The following MYO5A variants were observed in gnomAD, a reference collection of about 807,000 sequenced individuals.
MYO5A encodes unconventional myosin-Va.
In MYO5A, 98 loss-of-function variants were observed where a neutral mutation model predicts 249.7. The observed-to-expected ratio is 0.39, with a 90% CI of 0.33 to 0.46. MYO5A has a LOEUF of 0.46. Among genes scored for constraint, MYO5A ranks in the 20% least tolerant of loss-of-function variants. MYO5A has a pLI of 0.98. For missense variants in MYO5A, 1,696 were observed against 2,308.8 expected (o/e 0.73, Z 5.44); for synonymous variants, 778 against 810.6 (o/e 0.96, Z 0.68).
intron 13 of MYO5A, among the ~76,000 whole-genome samples, chr15:52,388,470 G>A (rs1273946957): frequency 6.6e-6 from 1 of 152,190 alleles, no homozygotes; most frequent in Non-Finnish European, 1.5e-5. Flanking sequence ...TGCCACTCAA[G>A]GGGGTCAAAG....
intron 4 of MYO5A, among the ~76,000 whole-genome samples, chr15:52,418,767 A>C (rs1327960701): frequency 3.0e-5 from 4 of 135,132 alleles, no homozygotes. Flanking sequence ...AGAGAGAGAG[A>C]GAGCCGGGGT....
intron 1 of MYO5A, among the ~76,000 whole-genome samples, chr15:52,507,768 C>T (rs2077302728): frequency 7.1e-6 from 1 of 139,954 alleles, no homozygotes; most frequent in Non-Finnish European, 1.5e-5. Flanking sequence ...CCCACCACTA[C>T]ACTCTAGCCT....
At chr15:52,431,642 T>C (rs2075539623) in intron 2 of MYO5A, among the ~76,000 whole-genome samples, 1 of 143,810 alleles carries the variant, frequency 7.0e-6, no homozygotes, top group Admixed American at 7.1e-5. Context: ...AAAGGGGAAA[T>C]ACAGGGTAAG....
chr15:52,435,110 G>C (rs1313285771), intron 1 of MYO5A, among the ~76,000 whole-genome samples: 2 of 152,176 alleles, frequency 1.3e-5, no homozygotes, highest in Non-Finnish European at 2.9e-5. Context: ...AAGTACAAGA[G>C]AAATTTATAT....
intron 1 of MYO5A, among the ~76,000 whole-genome samples, chr15:52,442,687 C>A (rs528368655): frequency 1.3e-5 from 2 of 152,232 alleles, no homozygotes; most frequent in Non-Finnish European, 2.9e-5. Context: ...AGATGAAGTT[C>A]CAAGTCTACT....
At chr15:52,439,412 T>C (rs1291681487) in intron 1 of MYO5A, among the ~76,000 whole-genome samples, 2 of 152,250 alleles carry the variant, frequency 1.3e-5, no homozygotes, top group Non-Finnish European at 2.9e-5. Context: ...ATCTCACTTA[T>C]GCTACCTGAA....
chr15:52,524,245 A>T (rs2077685263), intron 1 of MYO5A, among the ~76,000 whole-genome samples: 1 of 152,232 alleles, frequency 6.6e-6, no homozygotes, highest in African/African-American at 2.4e-5. Flanking sequence ...AAACAAAAAA[A>T]TTAAAACTTT....
intron 1 of MYO5A, among the ~76,000 whole-genome samples, chr15:52,489,112 T>G (rs896604182): frequency 2.6e-5 from 4 of 152,000 alleles, no homozygotes; most frequent in African/African-American, 9.7e-5. Context: ...AAAAATTAAC[T>G]CAAAATGGAC....
chr15:52,416,376 T>C, intron 4 of MYO5A, 75 bp from the exon 5 acceptor site: 1 of 1,485,898 alleles, frequency 6.7e-7, no homozygotes, highest in Non-Finnish European at 9.3e-7. Flanking sequence ...AACTATGGTC[T>C]CTATGGAAGT....
intron 1 of MYO5A, among the ~76,000 whole-genome samples, chr15:52,472,049 C>T (rs901884274): frequency 2.0e-5 from 3 of 150,414 alleles, no homozygotes; most frequent in African/African-American, 4.9e-5. Flanking sequence ...GCCTCTTGGT[C>T]GGCAGAAGCG....
At chr15:52,477,423 C>G (rs11857854) in intron 1 of MYO5A, among the ~76,000 whole-genome samples, 22,875 of 152,188 alleles carry the variant, frequency 0.15, 1,834 homozygotes, top group Middle Eastern at 0.22. Flanking sequence ...TCTCCGTCCA[C>G]CTTTGTTCCA....
rs1321236676 is a variant in MYO5A at position 52,392,137 on chromosome 15, T to C, written c.1402-67A>G. ...GTAACAAAGAATGTAGTCAAGATGA[T>C]ACCAACATAATTTGAGATAATCTGT... On this transcript the variant is annotated intron_variant, in intron 11 of 41. Coordinates refer to ENST00000399233, the MANE Select transcript of MYO5A (RefSeq NM_001382347.1). 6 of 1,467,954 alleles carry C rather than the reference T, an allele frequency of 4.1e-6. No homozygotes were observed. The Admixed American group carries it at 5.2e-5, about 13-fold the overall frequency. 90.9% of individuals were successfully genotyped at this position (1,467,954 alleles called of 1,614,324 possible).
At chr15:52,425,710 G>A in intron 4 of MYO5A, 120 bp downstream of exon 4, 9 of 1,170,476 alleles carry the variant, frequency 7.7e-6, no homozygotes, top group Non-Finnish European at 1.1e-5. Context: ...ACTTGTCAAG[G>A]CTGCTTATTT....
At chr15:52,478,749 T>C (rs1339517884) in intron 1 of MYO5A, among the ~76,000 whole-genome samples, 2 of 152,160 alleles carry the variant, frequency 1.3e-5, no homozygotes, top group African/African-American at 2.4e-5. Flanking sequence ...TGATATGCAA[T>C]GTACTGGAGA....
chr15:52,503,433 T>A (rs554553205), intron 1 of MYO5A, among the ~76,000 whole-genome samples: 20 of 151,346 alleles, frequency 1.3e-4, no homozygotes, highest in African/African-American at 4.9e-4. Context: ...GACAAGGAGT[T>A]CAGCCTGGGC....
intron 11 of MYO5A, 116 bp from the exon 12 acceptor site, chr15:52,392,186 C>G (rs181020551): frequency 4.0e-6 from 4 of 997,866 alleles, no homozygotes; most frequent in Non-Finnish European, 4.5e-6. Context: ...AACAACCTCA[C>G]GGGAGAAGCA....
chr15:52,442,758 CT>C lies in MYO5A; in HGVS notation c.28-9474del, dbSNP rs57527294. ...CACCCATTGTTAAAACAGTTTTTTTCTTTTTTTTTTTTTTTGAGATAGAGTC... is the reference window on the plus strand; with the variant it reads ...CACCCATTGTTAAAACAGTTTTTTTCTTTTTTTTTTTTTTGAGATAGAGTC... On this transcript the variant is annotated intron_variant, in intron 1 of 41. Coordinates refer to ENST00000399233, the MANE Select transcript of MYO5A (RefSeq NM_001382347.1). 3.9e-3 allele frequency among the ~76,000 whole-genome samples: 551 copies of C among 140,960 alleles called. 2 individuals are homozygous for C. The highest frequency in any genetic ancestry group is 0.011 in the African/African-American group (439 of 38,318). The allele number at this position is 140,960 out of a possible 152,430, so 92.5% of individuals were successfully genotyped here.
intron 1 of MYO5A, among the ~76,000 whole-genome samples, chr15:52,490,322 G>A (rs1437821739): frequency 6.6e-6 from 1 of 152,158 alleles, no homozygotes; most frequent in Non-Finnish European, 1.5e-5. Context: ...AATAGCCAAA[G>A]GATGGAAGCA....
chr15:52,337,224 C>CA (rs1433645982), intron 33 of MYO5A, among the ~76,000 whole-genome samples: 1 of 151,900 alleles, frequency 6.6e-6, no homozygotes, highest in Non-Finnish European at 1.5e-5. Flanking sequence ...ATGCTTTATG[C>CA]AAAAACAGAA....
Sources: gnomAD v4.1 joint callset for allele counts (sites outside exome capture counted in the v4.1 genomes callset) on GRCh38, gnomAD v4.1.1 for gene constraint, MANE v1.5 for transcripts, NCBI Gene and HGNC (gene_info 2026-07-23, HGNC 2026-07-21) for gene names.